Variants in STAP2 observed in about 807,000 individuals in gnomAD.
STAP2 encodes the protein signal-transducing adaptor protein 2.
Under a neutral mutation model 52.7 loss-of-function variants are expected in STAP2, and 58 were observed. That is an observed-to-expected ratio of 1.10 (90% confidence interval 0.89 to 1.37). STAP2 has a LOEUF of 1.37. STAP2 is among the 40% of genes most tolerant of loss of function. The pLI is 0.00. For synonymous variants in STAP2, 231 were observed against 210.5 expected (o/e 1.10, Z -0.84); for missense variants, 522 against 519.4 (o/e 1.00, Z -0.05).
At chr19:4,330,711 ATTT>A (rs1210010568) in intron 4 of STAP2, among the ~76,000 whole-genome samples, 2 of 117,190 alleles carry the variant, frequency 1.7e-5, no homozygotes, top group Admixed American at 9.3e-5. Flanking sequence ...ATGTCAGCTA[ATTT>A]TTTTTTTTTT....
At chr19:4,337,484 A>G (rs73534900) in intron 1 of STAP2, among the ~76,000 whole-genome samples, 58,350 of 144,662 alleles carry the variant, frequency 0.4, 11,978 homozygotes, top group East Asian at 0.61. Flanking sequence ...CACCTGCCTC[A>G]GCCTCCCTAA....
intron 3 of STAP2, 129 bp from the exon 4 acceptor site, chr19:4,332,207 T>A: frequency 6.3e-6 from 2 of 318,838 alleles, no homozygotes; most frequent in East Asian, 1.2e-4. Context: ...TTTTTTTTTT[T>A]TTTTTTTTTT....
chr19:4,338,604 G>A, intron 1 of STAP2, 48 bp downstream of exon 1: 1 of 1,100,058 alleles, frequency 9.1e-7, no homozygotes, highest in Non-Finnish European at 1.2e-6. Flanking sequence ...AGGTGCCGCA[G>A]CTCCCCACGG....
At position 4,333,982 on chromosome 19, in the gene STAP2, C is replaced by T. The variant is rs759323819; in HGVS notation, c.165G>A (p.Arg55=). 1 of 1,613,146 alleles carries T rather than the reference C, an allele frequency of 6.2e-7. No individual in the cohort carries two copies. ...CCATTCCCATCCTTACCTGGAAGTC[C>T]CGATTGCTATTGTAGAAATAAATGG... ...GLTIYFYNSN[R]DFQHVEKLNL... The change falls in exon 2 of 13, where the codon CGG becomes CGA. Residue 55 remains arginine, a synonymous_variant. Transcript: ENST00000594605.
At chr19:4,324,285 G>T in intron 12 of STAP2, 88 bp from the exon 13 acceptor site, 1 of 1,410,470 alleles carries the variant, frequency 7.1e-7, no homozygotes, top group East Asian at 2.5e-5. Flanking sequence ...ACCAGCTACA[G>T]ATTTGCAGGG....
At chr19:4,330,093 C>T (rs947668001) in intron 4 of STAP2, 32 bp from the exon 5 acceptor site, 2 of 1,583,200 alleles carry the variant, frequency 1.3e-6, no homozygotes, top group Non-Finnish European at 1.7e-6. Context: ...GTGACTGCAC[C>T]TGGCCAGCCG....
chr19:4,332,135 A>G lies in STAP2; in HGVS notation c.298-57T>C, dbSNP rs190217297. The G allele has an allele frequency of 2.6e-3, 3,885 of 1,486,318 alleles. 7 individuals are homozygous for G. Among genetic ancestry groups the G allele is most frequent in the Middle Eastern group, 5.8e-3 (33 of 5,720 alleles). 92.1% of individuals were successfully genotyped at this position (1,486,318 alleles called of 1,614,324 possible). A position where few individuals can be genotyped will look rare whatever the true frequency, so the allele number is the denominator to read the frequency against. On this transcript the variant is annotated intron_variant, in intron 3 of 12. Coordinates refer to ENST00000594605, the MANE Select transcript of STAP2 (RefSeq NM_001013841.2). Reference sequence around the variant, plus strand: ...TCAGTGAGCCTCAGTCTACTCATCAATGAAATTGGACTAGGGAAGAGTCCC... The same window carrying G: ...TCAGTGAGCCTCAGTCTACTCATCAGTGAAATTGGACTAGGGAAGAGTCCC...
Position 4,324,439 on chromosome 19 carries a change from C to G in STAP2, c.1147+16G>C. The G allele has an allele frequency of 6.4e-7, 1 of 1,551,032 alleles. No individual in the cohort carries two copies. The highest frequency in any genetic ancestry group is 8.7e-7 in the Non-Finnish European group (1 of 1,144,234). The stretch of plus-strand genomic sequence containing the variant: ...CCTGGGAAGCCCGCCCCGCACTGAC[C>G]CCGCAGACCCCTTACCGGCTGTGGG... On this transcript the variant is annotated intron_variant, in intron 12 of 12. Transcript: ENST00000594605.
chr19:4,324,929 T>TC, intron 11 of STAP2: 1 of 441,758 alleles, frequency 2.3e-6, no homozygotes, highest in East Asian at 4.5e-5. Context: ...GGTCAGGAGA[T>TC]CAAGACCATC....
At position 4,329,275 on chromosome 19, in the gene STAP2, GT is replaced by G. The variant is rs374518363; in HGVS notation, c.456-467del. 1.3e-4 allele frequency among the ~76,000 whole-genome samples: 20 copies of G among 148,272 alleles called. 1 individual carries two copies. The highest frequency in any genetic ancestry group is 4.7e-4 in the African/African-American group (19 of 40,508). On this transcript the variant is annotated intron_variant, in intron 5 of 12. Coordinates refer to ENST00000594605, the MANE Select transcript of STAP2 (RefSeq NM_001013841.2). ...CCACTGCATCTGGCCGGGTTTTTTG[GT>G]TTTTTTTTTCTTTAGAGATGGGGTC... is the stretch of plus-strand genomic sequence containing the variant.
rs777903318 is a variant in STAP2 at position 4,338,705 on chromosome 19, G to A, written c.49C>T (p.Leu17=). Residue 17 remains leucine (L), a synonymous_variant, in exon 1 of 13, where the codon CTG becomes TTG. Coordinates refer to ENST00000594605, the MANE Select transcript of STAP2 (RefSeq NM_001013841.2). The part of the protein sequence containing the change: ...PPRVPKPKGV[L]PSHYYESFLE... The stretch of plus-strand genomic sequence containing the variant: ...AAGCTCTCATAGTAGTGTGAAGGCA[G>A]GACACCCTTAGGCTTGGGGACACGG... 23 of 1,613,806 alleles carry A rather than the reference G, an allele frequency of 1.4e-5. No individual in the cohort carries two copies. The South Asian group carries it at 2.5e-4, about 18-fold the overall frequency.
chr19:4,324,505 A>T lies in STAP2; in HGVS notation c.1097T>A (p.Leu366Ter). The T allele has an allele frequency of 6.4e-7, 1 of 1,573,492 alleles. No homozygotes were observed. The highest frequency in any genetic ancestry group is 8.6e-7 in the Non-Finnish European group (1 of 1,157,634). Residue 366 changes from leucine (L) to a stop codon, truncating the protein, a stop_gained, in exon 12 of 13, where the codon TTG becomes TAG. Coordinates refer to ENST00000594605, the MANE Select transcript of STAP2 (RefSeq NM_001013841.2). LOFTEE classifies it low-confidence loss of function (END_TRUNC). ...TGAACTGACTGGCAGCTTCCTGCCC[A>T]AGCCACCATTAAAGACTTTGGGCTC... ...KPEPKVFNGG[L>*]GRKLPVSSAQ...
chr19:4,330,639 T>TCC (rs1971874592), intron 4 of STAP2, among the ~76,000 whole-genome samples: 1 of 146,796 alleles, frequency 6.8e-6, no homozygotes, highest in Admixed American at 6.8e-5. Context: ...CAGGGTGAGG[T>TCC]AGGAAACAGG....
intron 5 of STAP2, among the ~76,000 whole-genome samples, chr19:4,329,306 T>C (rs1465158681): frequency 6.6e-6 from 1 of 151,490 alleles, no homozygotes; most frequent in African/African-American, 2.4e-5. Flanking sequence ...GGGGTCTCGC[T>C]ATGTTGCCCA....
rs1002864425 is a variant in STAP2, at chr19:4,324,196, C to T, written c.1149G>A (p.Gly383=). The stretch of plus-strand genomic sequence containing the variant: ...GTAGCTCTGCCGTCATGTCTGCCAG[C>T]CCTGGGGGTTCAGGACCAGGAGCTG... ...SSAQPLFPTA[G]LADMTAELQK... The change falls in exon 13 of 13, where the codon GGG becomes GGA. Residue 383 remains glycine (G), a splice_region_variant and synonymous_variant. Coordinates refer to ENST00000594605, the MANE Select transcript of STAP2 (RefSeq NM_001013841.2). The T allele has an allele frequency of 1.3e-6, 2 of 1,551,172 alleles. No individual in the cohort carries two copies. The highest frequency in any genetic ancestry group is 1.7e-6 in the Non-Finnish European group (2 of 1,146,992).
chr19:4,331,179 A>T (rs921311719), intron 4 of STAP2, among the ~76,000 whole-genome samples: 2 of 151,840 alleles, frequency 1.3e-5, no homozygotes, highest in Admixed American at 1.3e-4. Flanking sequence ...AAAATTTTTA[A>T]ATTAGTCAGA....
chr19:4,328,566 G>C, intron 6 of STAP2, 109 bp downstream of exon 6: 1 of 1,429,468 alleles, frequency 7.0e-7, no homozygotes, highest in South Asian at 1.3e-5. Flanking sequence ...TCCGTCCCCT[G>C]GCCTACCCAC....
In STAP2 at chr19:4,338,702, G is replaced by A. The variant is rs1436123932; in HGVS notation, c.52C>T (p.Pro18Ser). ...PRVPKPKGVL[P>S]SHYYESFLEK... ...AGAAAGCTCTCATAGTAGTGTGAAG[G>A]CAGGACACCCTTAGGCTTGGGGACA... Residue 18 changes from proline (P) to serine (S), a missense_variant, in exon 1 of 13, where the codon CCT (proline) becomes TCT (serine). Physicochemically the swap from Pro to Ser is moderately conservative, Grantham distance 74. Transcript: ENST00000594605. 1 of 1,613,790 alleles carries A rather than the reference G, an allele frequency of 6.2e-7. No individual in the cohort carries two copies.
chr19:4,327,665 C>T (rs922382161), intron 6 of STAP2, among the ~76,000 whole-genome samples: 1 of 152,072 alleles, frequency 6.6e-6, no homozygotes, highest in Non-Finnish European at 1.5e-5. Flanking sequence ...GTCTTGGCAC[C>T]ACCTCCAGCG....
Sources: gnomAD v4.1 joint callset for allele counts (sites outside exome capture counted in the v4.1 genomes callset) on GRCh38, gnomAD v4.1.1 for gene constraint, MANE v1.5 for transcripts, NCBI Gene and HGNC (gene_info 2026-07-23, HGNC 2026-07-21) for gene names.